NRXN1: variants seen among roughly 807,000 people sequenced by gnomAD.
NRXN1 encodes neurexin 1.
Under a neutral mutation model 150.9 loss-of-function variants are expected in NRXN1, and 39 were observed. That is an observed-to-expected ratio of 0.26 (90% CI 0.20 to 0.34). The LOEUF (loss-of-function observed/expected upper bound fraction) is 0.34, where lower values mean the gene tolerates loss of function less well. NRXN1 is among the 10% of genes least tolerant of loss of function. The pLI, the probability that NRXN1 is intolerant of heterozygous loss-of-function variation, is 1.00. For missense variants in NRXN1, 1,815 were observed against 1,949.9 expected (o/e 0.93, Z 1.30); for synonymous variants, 924 against 757.0 (o/e 1.22, Z -3.62).
At position 50,880,209 on chromosome 2, in the gene NRXN1, C is replaced by T. The variant is rs145106064; in HGVS notation, c.832+41660G>A. Among the ~76,000 whole-genome samples, 30 of 151,972 alleles carry T rather than the reference C, an allele frequency of 2.0e-4. No individual in the cohort carries two copies. In the East Asian group the frequency reaches 5.1e-3, roughly 26 times the overall value. On this transcript the variant is annotated intron_variant, in intron 5 of 22. Coordinates refer to ENST00000401669, the MANE Select transcript of NRXN1 (RefSeq NM_001330078.2). ...AGAAAAAAAGATCAGAATTAGAATG[C>T]TTTGTAAAAGTATTTAAAACTTTAT... is the stretch of plus-strand genomic sequence containing the variant.
At chr2:50,724,112 A>C (rs892997661) in intron 5 of NRXN1, among the ~76,000 whole-genome samples, 1 of 152,172 alleles carries the variant, frequency 6.6e-6, no homozygotes, top group East Asian at 1.9e-4. Flanking sequence ...GTGCTTAATC[A>C]TAAGATCCTC....
chr2:50,185,066 G>A lies in NRXN1; in HGVS notation c.3546+51723C>T, dbSNP rs184779850. 1.6e-4 allele frequency among the ~76,000 whole-genome samples: 24 copies of A among 152,140 alleles called. No individual in the cohort carries two copies. The East Asian group carries it at 4.6e-3, about 29-fold the overall frequency. On this transcript the variant is annotated intron_variant, in intron 18 of 22. Transcript: ENST00000401669. ...ACCTTGGAGGAGACATATGTGAAAG[G>A]TTTCAAGTCAAGTCAAAGCCTGTGG...
At chr2:49,961,276 T>C (rs1675889343) in intron 21 of NRXN1, among the ~76,000 whole-genome samples, 1 of 151,874 alleles carries the variant, frequency 6.6e-6, no homozygotes, top group African/African-American at 2.4e-5. Context: ...ATTCGCATTG[T>C]TGCTTTAACT....
chr2:50,332,166 T>C (rs529756104), intron 17 of NRXN1, among the ~76,000 whole-genome samples: 1 of 152,310 alleles, frequency 6.6e-6, no homozygotes, highest in East Asian at 1.9e-4. Context: ...TATTTAGGTG[T>C]TGCAGGCAAT....
intron 5 of NRXN1, among the ~76,000 whole-genome samples, chr2:50,761,427 G>A (rs1046381885): frequency 1.3e-5 from 2 of 151,818 alleles, no homozygotes; most frequent in Non-Finnish European, 2.9e-5. Flanking sequence ...CAGTTCCCCT[G>A]CACACACTCT....
At chr2:50,752,014 C>T (rs1340957589) in intron 5 of NRXN1, among the ~76,000 whole-genome samples, 1 of 151,972 alleles carries the variant, frequency 6.6e-6, no homozygotes, top group Non-Finnish European at 1.5e-5. Flanking sequence ...AGTCTGCCCA[C>T]TCTAAAACAG....
At chr2:50,553,315 A>G (rs554310522) in intron 8 of NRXN1, among the ~76,000 whole-genome samples, 10 of 152,360 alleles carry the variant, frequency 6.6e-5, no homozygotes, top group East Asian at 1.9e-4. Flanking sequence ...AAATCTGCAT[A>G]TATCTTTAAT....
chr2:50,736,474 C>T (rs532049834), intron 5 of NRXN1, among the ~76,000 whole-genome samples: 18 of 152,228 alleles, frequency 1.2e-4, no homozygotes, highest in African/African-American at 4.1e-4. Context: ...GCTGTGTCCC[C>T]ACCCAAATCT....
chr2:50,606,885 T>G (rs1677219526), intron 8 of NRXN1, among the ~76,000 whole-genome samples: 1 of 152,184 alleles, frequency 6.6e-6, no homozygotes, highest in African/African-American at 2.4e-5. Context: ...CTATTCCACT[T>G]GACATTTAAT....
At position 50,265,853 on chromosome 2, in the gene NRXN1, G is replaced by C. The variant is rs151101584; in HGVS notation, c.3365-28883C>G. Among the ~76,000 whole-genome samples, 7 of 152,124 alleles carry C rather than the reference G, an allele frequency of 4.6e-5. No homozygotes were observed. The East Asian group carries it at 5.8e-4, about 13-fold the overall frequency. ...TTAGAAATAATTTCTTTGGCTTAAAGATTGGCTATTCTTACATCTTCAAAT... is the reference window on the plus strand; with the variant it reads ...TTAGAAATAATTTCTTTGGCTTAAACATTGGCTATTCTTACATCTTCAAAT... On this transcript the variant is annotated intron_variant, in intron 17 of 22. Coordinates refer to ENST00000401669, the MANE Select transcript of NRXN1 (RefSeq NM_001330078.2).
At chr2:50,056,741 T>G (rs569037741) in intron 19 of NRXN1, among the ~76,000 whole-genome samples, 38 of 152,136 alleles carry the variant, frequency 2.5e-4, no homozygotes, top group African/African-American at 6.8e-4. Flanking sequence ...CAATTACATG[T>G]TTTTGGCTTA....
chr2:50,021,668 C>T (rs933787822), intron 21 of NRXN1, among the ~76,000 whole-genome samples: 4 of 152,032 alleles, frequency 2.6e-5, no homozygotes, highest in African/African-American at 4.8e-5. Flanking sequence ...TCTTTCTAGA[C>T]GTTAGAATTT....
At chr2:50,030,525 A>T (rs949640678) in intron 21 of NRXN1, among the ~76,000 whole-genome samples, 1 of 152,084 alleles carries the variant, frequency 6.6e-6, no homozygotes, top group African/African-American at 2.4e-5. Flanking sequence ...GTGGCCTATG[A>T]TTCTCCTACA....
At chr2:50,673,960 C>T (rs1404743924) in intron 5 of NRXN1, among the ~76,000 whole-genome samples, 1 of 151,994 alleles carries the variant, frequency 6.6e-6, no homozygotes, top group African/African-American at 2.4e-5. Context: ...GGGTGGGGTG[C>T]TGGGGGAGGC....
At chr2:50,969,083 A>C (rs1296188964) in intron 2 of NRXN1, among the ~76,000 whole-genome samples, 3 of 152,198 alleles carry the variant, frequency 2.0e-5, no homozygotes, top group Middle Eastern at 3.4e-3. Flanking sequence ...TGGCCAGTGA[A>C]GTGTTCTCCC....
intron 5 of NRXN1, among the ~76,000 whole-genome samples, chr2:50,915,989 T>C (rs1189634091): frequency 6.8e-6 from 1 of 147,676 alleles, no homozygotes; most frequent in African/African-American, 2.5e-5. Context: ...ACCCATCAGT[T>C]ACAAGGTGGA....
chr2:50,459,203 C>T (rs929094547), intron 17 of NRXN1, among the ~76,000 whole-genome samples: 2 of 152,058 alleles, frequency 1.3e-5, no homozygotes, highest in South Asian at 4.2e-4. Flanking sequence ...TATGTGTAAT[C>T]CTATACTTTA....
intron 5 of NRXN1, among the ~76,000 whole-genome samples, chr2:50,711,849 A>G (rs1318735182): frequency 6.6e-6 from 1 of 152,120 alleles, no homozygotes. Flanking sequence ...CTCTTCTGCC[A>G]TGTTGAGTAC....
intron 17 of NRXN1, among the ~76,000 whole-genome samples, chr2:50,459,420 G>C (rs1420192543): frequency 1.3e-5 from 2 of 152,072 alleles, no homozygotes; most frequent in Non-Finnish European, 2.9e-5. Context: ...CAGGTATTAA[G>C]CCTAGTAGCC....
Sources: gnomAD v4.1 joint callset for allele counts (sites outside exome capture counted in the v4.1 genomes callset) on GRCh38, gnomAD v4.1.1 for gene constraint, MANE v1.5 for transcripts, NCBI Gene and HGNC (gene_info 2026-07-23, HGNC 2026-07-21) for gene names.